CEP170: variants seen among roughly 807,000 people sequenced by gnomAD.
CEP170 encodes centrosomal protein 170.
A neutral mutation model predicts 151.9 loss-of-function variants in CEP170; 21 were observed. The observed-to-expected ratio is 0.14, with a 90% CI of 0.10 to 0.20. The LOEUF is 0.20. Among genes scored for constraint, CEP170 ranks in the 10% least tolerant of loss-of-function variants. The pLI is 1.00. For missense variants in CEP170, 964 were observed against 1,892.9 expected, an observed-to-expected ratio of 0.51 and a Z score of 9.11; for synonymous variants, 356 against 648.8, an observed-to-expected ratio of 0.55 and a Z score of 6.86.
intron 16 of CEP170, among the ~76,000 whole-genome samples, chr1:243,139,387 CTT>C: frequency 6.6e-6 from 1 of 152,186 alleles, no homozygotes; most frequent in African/African-American, 2.4e-5. Flanking sequence ...TTGTTCACGT[CTT>C]TGCAGATTTT....
intron 14 of CEP170, among the ~76,000 whole-genome samples, chr1:243,144,699 C>T (rs2056256358): frequency 6.6e-6 from 1 of 152,088 alleles, no homozygotes; most frequent in Non-Finnish European, 1.5e-5. Flanking sequence ...ACAGCAATCT[C>T]CACATGTGAT....
At chr1:243,209,133 T>C (rs1363509737) in intron 4 of CEP170, among the ~76,000 whole-genome samples, 1 of 152,222 alleles carries the variant, frequency 6.6e-6, no homozygotes, top group Non-Finnish European at 1.5e-5. Flanking sequence ...CTAATTCTAG[T>C]CTTGATCCAT....
At chr1:243,246,148 A>AT (rs1156736890) in intron 1 of CEP170, among the ~76,000 whole-genome samples, 1 of 151,932 alleles carries the variant, frequency 6.6e-6, no homozygotes, top group African/African-American at 2.4e-5. Context: ...TATTTTAAGC[A>AT]TAATTTGTTG....
intron 1 of CEP170, among the ~76,000 whole-genome samples, chr1:243,243,534 ATTTT>A (rs869195698): frequency 8.0e-5 from 10 of 125,690 alleles, no homozygotes; most frequent in South Asian, 2.9e-4. Context: ...TTATTTATTT[ATTTT>A]TTGGAGACAG....
chr1:243,235,461 A>G (rs2064169328), intron 1 of CEP170, among the ~76,000 whole-genome samples: 1 of 152,094 alleles, frequency 6.6e-6, no homozygotes, highest in African/African-American at 2.4e-5. Context: ...CTTTTTTTGG[A>G]TACTTACCAA....
At chr1:243,167,158 T>G (rs1480198673) in intron 12 of CEP170, among the ~76,000 whole-genome samples, 1 of 152,106 alleles carries the variant, frequency 6.6e-6, no homozygotes, top group Non-Finnish European at 1.5e-5. Context: ...TTCAACTACA[T>G]AGTAGAGAAG....
At chr1:243,213,381 A>G (rs2061989338) in intron 3 of CEP170, among the ~76,000 whole-genome samples, 1 of 152,234 alleles carries the variant, frequency 6.6e-6, no homozygotes, top group Non-Finnish European at 1.5e-5. Context: ...CCTATTAAAG[A>G]GCACAGTTGA....
chr1:243,253,797 T>C (rs998935880), intron 1 of CEP170, among the ~76,000 whole-genome samples: 2 of 152,218 alleles, frequency 1.3e-5, no homozygotes, highest in African/African-American at 4.8e-5. Flanking sequence ...CTGCATACAT[T>C]GTAAGCTTAA....
intron 14 of CEP170, among the ~76,000 whole-genome samples, chr1:243,151,900 T>G (rs905673099): frequency 6.6e-6 from 1 of 152,100 alleles, no homozygotes; most frequent in African/African-American, 2.4e-5. Flanking sequence ...GCTGGTGACT[T>G]TATGTTGGAA....
At chr1:243,244,929 C>A (rs979159795) in intron 1 of CEP170, among the ~76,000 whole-genome samples, 1 of 151,574 alleles carries the variant, frequency 6.6e-6, no homozygotes, top group African/African-American at 2.4e-5. Context: ...GAGATTATTT[C>A]ATAAGGAAAA....
chr1:243,152,521 A>ATTTTTTTTT (rs371392454), intron 14 of CEP170, among the ~76,000 whole-genome samples: 1 of 54,954 alleles, frequency 1.8e-5, no homozygotes, highest in African/African-American at 7.5e-5. Context: ...GCGCCCAGCC[A>ATTTTTTTTT]TTTTTTTTTT....
intron 12 of CEP170, 93 bp from the exon 13 acceptor site, chr1:243,166,209 A>G: frequency 6.7e-7 from 1 of 1,490,356 alleles, no homozygotes; most frequent in Non-Finnish European, 9.0e-7. Context: ...GTATCCATGA[A>G]GACTGGTTCC....
intron 3 of CEP170, among the ~76,000 whole-genome samples, chr1:243,221,314 C>T (rs947861875): frequency 1.3e-5 from 2 of 152,214 alleles, no homozygotes; most frequent in South Asian, 2.1e-4. Context: ...TGAGCCACCG[C>T]GCCCGGCCCC....
chr1:243,233,091 CTCTT>C (rs1359595649), intron 1 of CEP170, among the ~76,000 whole-genome samples: 2 of 152,200 alleles, frequency 1.3e-5, no homozygotes, highest in African/African-American at 2.4e-5. Context: ...CTTCGGTTGT[CTCTT>C]TCTTATTCTT....
At chr1:243,222,491 C>A (rs1019560958) in intron 2 of CEP170, among the ~76,000 whole-genome samples, 2 of 152,168 alleles carry the variant, frequency 1.3e-5, no homozygotes, top group African/African-American at 4.8e-5. Context: ...CACCCAAAAG[C>A]AGAACGATAA....
intron 1 of CEP170, among the ~76,000 whole-genome samples, chr1:243,226,247 A>AT (rs2063296057): frequency 6.7e-6 from 1 of 148,310 alleles, no homozygotes; most frequent in Non-Finnish European, 1.5e-5. Flanking sequence ...ATATACACAT[A>AT]TATGTATGTA....
Position 243,199,237 on chromosome 1 carries a change from G to T in CEP170, c.497-43C>A, listed in dbSNP as rs1172453976. ...AAATCTGTCTAAAGCAGATGAAACA[G>T]AAAAGAATACACTTTCGCAGAATGC... is the stretch of plus-strand genomic sequence containing the variant. On this transcript the variant is annotated intron_variant, in intron 6 of 19. Transcript: ENST00000366542. 4.4e-6 allele frequency: 7 copies of T among 1,590,370 alleles called. No homozygotes were observed. The East Asian group carries it at 1.6e-4, about 36-fold the overall frequency.
chr1:243,244,242 G>A (rs903308634), intron 1 of CEP170, among the ~76,000 whole-genome samples: 26 of 152,148 alleles, frequency 1.7e-4, no homozygotes, highest in African/African-American at 5.8e-4. Context: ...AAGATGGTGA[G>A]TATATGAGTA....
chr1:243,164,285 T>G lies in CEP170; in HGVS notation c.3675A>C (p.Ser1225=). The G allele has an allele frequency of 2.7e-6, 4 of 1,489,034 alleles. No homozygotes were observed. The highest frequency in any genetic ancestry group is 3.6e-6 in the Non-Finnish European group (4 of 1,118,478). The allele number at this position is 1,489,034 out of a possible 1,614,324, so 92.2% of individuals were successfully genotyped here. A position where few individuals can be genotyped will look rare whatever the true frequency, so the allele number is the denominator to read the frequency against. ...ATTAGAAATCTGGATCCAATTTACC[T>G]GAAGCAGAGCCATGAGCTGAGGTCA... ...KSMTSAHGSA[S]VNSRWRRFPT... The change falls in exon 13 of 20, where the codon TCA becomes TCC. Residue 1225 remains serine, a splice_region_variant and synonymous_variant. Transcript: ENST00000366542.
Sources: gnomAD v4.1 joint callset for allele counts (sites outside exome capture counted in the v4.1 genomes callset) on GRCh38, gnomAD v4.1.1 for gene constraint, MANE v1.5 for transcripts, NCBI Gene and HGNC (gene_info 2026-07-23, HGNC 2026-07-21) for gene names.